Variants in TTBK1 observed in about 807,000 individuals in gnomAD.
TTBK1 encodes the protein tau-tubulin kinase 1.
TTBK1 carries 34 observed loss-of-function variants against 108.5 expected under a neutral mutation model. That is an observed-to-expected ratio of 0.31 (90% confidence interval 0.24 to 0.42). The LOEUF is 0.42. Among genes scored for constraint, TTBK1 ranks in the 10% least tolerant of loss-of-function variants. The probability of loss-of-function intolerance (pLI) is 1.00; values close to 1 mark genes in which losing one functional copy is unlikely to be tolerated. For synonymous variants in TTBK1, 809 were observed against 795.1 expected (o/e 1.02, Z -0.29); for missense variants, 1,539 against 1,826.0 (o/e 0.84, Z 2.86).
chr6:43,251,189 G>A (rs1447687026), intron 2 of TTBK1, among the ~76,000 whole-genome samples: 2 of 152,096 alleles, frequency 1.3e-5, no homozygotes, highest in Admixed American at 1.3e-4. Flanking sequence ...CTCCAGCTCC[G>A]CCTGGTCTTC....
intron 10 of TTBK1, 65 bp from the exon 11 acceptor site, chr6:43,258,973 G>T (rs1777449334): frequency 3.2e-6 from 4 of 1,265,136 alleles, no homozygotes; most frequent in Non-Finnish European, 4.4e-6. Flanking sequence ...GCTGGTAGGA[G>T]AGGGCCATGG....
intron 2 of TTBK1, 108 bp downstream of exon 2, chr6:43,246,876 T>C (rs1777104221): frequency 3.7e-6 from 3 of 812,256 alleles, no homozygotes; most frequent in East Asian, 2.8e-5. Flanking sequence ...AAGAGGGAGG[T>C]GCCTCTAAGC....
Position 43,259,172 on chromosome 6 carries a change from C to T in TTBK1, c.1151C>T (p.Pro384Leu), listed in dbSNP as rs762834993. Reference sequence around the variant, plus strand: ...GGGAGGCCCTCTGAGGGGCTGGGCCCCAGTCCCCACCTTGTCCCCCACCCC... The same window carrying T: ...GGGAGGCCCTCTGAGGGGCTGGGCCTCAGTCCCCACCTTGTCCCCCACCCC... Reference protein sequence around the residue: ...LPGRPSEGLGPSPHLVPHPGG... With the variant: ...LPGRPSEGLGLSPHLVPHPGG... The change falls in exon 11 of 15, where the codon CCC becomes CTC. Residue 384 changes from proline to leucine, a missense_variant. Around this residue, in one of 5 missense-constraint regions of TTBK1, gnomAD observed 277 missense variants for 332.4 expected, o/e 0.83. Transcript: ENST00000259750. The surrounding 1 kb of genome is among the most constrained non-coding windows in gnomAD (Gnocchi z 6.7). 10 of 1,611,986 alleles carry T rather than the reference C, an allele frequency of 6.2e-6. No individual in the cohort carries two copies. The African/African-American group carries it at 6.7e-5, about 11-fold the overall frequency.
At chr6:43,284,429 ACACCTCCTGTCCAG>A (rs1342093609) in intron 14 of TTBK1, 117 bp downstream of exon 14, 2 of 972,188 alleles carry the variant, frequency 2.1e-6, no homozygotes, top group Non-Finnish European at 1.3e-6. Flanking sequence ...ACCCTCAGTG[ACACCTCCTGTCCAG>A]CACCTCCCAA....
At chr6:43,272,190 G>A (rs1050819914) in intron 13 of TTBK1, 6 of 985,274 alleles carry the variant, frequency 6.1e-6, no homozygotes, top group Non-Finnish European at 7.2e-6. Context: ...CAGCAGCAGT[G>A]TGGGCAAGGG....
At position 43,254,557 on chromosome 6, in the gene TTBK1, C is replaced by T. The variant is rs866390871; in HGVS notation, c.482C>T (p.Ala161Val). Residue 161 changes from alanine (A) to valine (V), a missense_variant, in exon 6 of 15, where the codon GCC becomes GTC. Around this residue, in one of 5 missense-constraint regions of TTBK1, gnomAD observed 155 missense variants for 348.5 expected, o/e 0.44. Coordinates refer to ENST00000259750, the MANE Select transcript of TTBK1 (RefSeq NM_032538.3). ...LHRDIKPSNF[A>V]MGRLPSTYRK... ...TGCTGTCTCCCCCAGTCAAACTTTG[C>T]CATGGGCAGGCTGCCCTCCACCTAC... is the stretch of plus-strand genomic sequence containing the variant. 3 of 1,570,818 alleles carry T rather than the reference C, an allele frequency of 1.9e-6. No homozygotes were observed. Among genetic ancestry groups the T allele is most frequent in the Non-Finnish European group, 2.6e-6 (3 of 1,161,800 alleles).
At position 43,243,726 on chromosome 6, in the gene TTBK1, G is replaced by A. The variant is rs1322527328; in HGVS notation, c.-55+18G>A. On this transcript the variant is annotated intron_variant, in intron 1 of 14. Coordinates refer to ENST00000259750, the MANE Select transcript of TTBK1 (RefSeq NM_032538.3). The surrounding 1 kb of genome is among the most constrained non-coding windows in gnomAD (Gnocchi z 5.5). ...CAGAGCAGGTGAGGCGGGGCGGGGC[G>A]GGCCGGGGTCGGGGCGGGGGCTCCT... 1 of 151,048 alleles carries A rather than the reference G, an allele frequency of 6.6e-6. No homozygotes were observed. Among genetic ancestry groups the A allele is most frequent in the East Asian group, 1.9e-4 (1 of 5,152 alleles). 9.4% of individuals were successfully genotyped at this position (151,048 alleles called of 1,614,324 possible).
intron 12 of TTBK1, among the ~76,000 whole-genome samples, chr6:43,260,141 G>A (rs976953325): frequency 1.6e-4 from 25 of 152,186 alleles, no homozygotes; most frequent in Non-Finnish European, 2.5e-4. Flanking sequence ...AAGTTTTGGG[G>A]GTTAGGGCTG....
chr6:43,285,170 C>A lies in TTBK1; in HGVS notation c.3760C>A (p.Leu1254Met), dbSNP rs984881714. 3 of 1,400,438 alleles carry A rather than the reference C, an allele frequency of 2.1e-6. No homozygotes were observed. The highest frequency in any genetic ancestry group is 2.8e-6 in the Non-Finnish European group (3 of 1,085,332). The allele number at this position is 1,400,438 out of a possible 1,614,324, so 86.8% of individuals were successfully genotyped here. The change falls in exon 15 of 15, where the codon CTG (leucine) becomes ATG (methionine). Residue 1254 changes from leucine (L) to methionine (M), a missense_variant. This residue lies in a region of TTBK1 where 1,055 missense variants were observed against 1,086.5 expected (regional missense o/e 0.97). Transcript: ENST00000259750. The surrounding 1 kb of genome is among the most constrained non-coding windows in gnomAD (Gnocchi z 4.7). ...CAGCGCGTCCCCCCGGAGCCAGTCC[C>A]TGTCCCGCAGAGAGAGCCCCTCCCC... ...NASASPRSQS[L>M]SRRESPSPSH...
At chr6:43,284,861 T>C in intron 14 of TTBK1, 122 bp from the exon 15 acceptor site, 1 of 1,369,686 alleles carries the variant, frequency 7.3e-7, no homozygotes, top group South Asian at 1.7e-5. Flanking sequence ...TGTGCCATGG[T>C]CTCAGTCTCA....
chr6:43,279,801 C>T (rs879817523), intron 13 of TTBK1, among the ~76,000 whole-genome samples: 5 of 151,930 alleles, frequency 3.3e-5, no homozygotes, highest in Middle Eastern at 6.3e-3. Context: ...GAGACAGTGT[C>T]GTTCTGTTGC....
Position 43,262,769 on chromosome 6 carries a change from C to T in TTBK1, c.1425-20C>T, listed in dbSNP as rs750112491. ...TCCAGTGGGGCCAGGTATTGAGCCC[C>T]GTGAGGGGTGGCTTTGCAGGTCACG... On this transcript the variant is annotated intron_variant, in intron 12 of 14. Transcript: ENST00000259750. 1.1e-5 allele frequency: 17 copies of T among 1,527,730 alleles called. No homozygotes were observed. The highest frequency in any genetic ancestry group is 4.8e-4 in the Middle Eastern group (2 of 4,140). The allele number at this position is 1,527,730 out of a possible 1,614,324, so 94.6% of individuals were successfully genotyped here. A position where few individuals can be genotyped will look rare whatever the true frequency, so the allele number is the denominator to read the frequency against.
At chr6:43,274,979 A>G (rs1304272062) in intron 13 of TTBK1, among the ~76,000 whole-genome samples, 1 of 151,300 alleles carries the variant, frequency 6.6e-6, no homozygotes, top group African/African-American at 2.4e-5. Flanking sequence ...CAGTCCCACC[A>G]CTCACCCTCC....
chr6:43,278,379 TTTGA>T (rs1482939061), intron 13 of TTBK1, among the ~76,000 whole-genome samples: 1 of 152,030 alleles, frequency 6.6e-6, no homozygotes, highest in Non-Finnish European at 1.5e-5. Flanking sequence ...AGGGTATCAG[TTTGA>T]TTGGCCTGTC....
Position 43,257,125 on chromosome 6 carries a change from G to C in TTBK1, c.862-687G>C, listed in dbSNP as rs1444402357. On this transcript the variant is annotated intron_variant, in intron 9 of 14. Coordinates refer to ENST00000259750, the MANE Select transcript of TTBK1 (RefSeq NM_032538.3). This position sits in a 1 kb window ranked among gnomAD's most constrained non-coding sequence, Gnocchi z 4.5. ...CAGAGAGAAACTGCCCTGTGCTCTGGAGACAGCCAAGCCAGAAGTGGAGTG... is the reference window on the plus strand; with the variant it reads ...CAGAGAGAAACTGCCCTGTGCTCTGCAGACAGCCAAGCCAGAAGTGGAGTG... Among the ~76,000 whole-genome samples, 1 of 152,210 alleles carries C rather than the reference G, an allele frequency of 6.6e-6. No homozygotes were observed. The highest frequency in any genetic ancestry group is 1.9e-4 in the East Asian group (1 of 5,204).
chr6:43,257,767 C>A lies in TTBK1; in HGVS notation c.862-45C>A. 6.3e-7 allele frequency: 1 copy of A among 1,579,090 alleles called. No individual in the cohort carries two copies. The highest frequency in any genetic ancestry group is 1.2e-5 in the South Asian group (1 of 86,292). On this transcript the variant is annotated intron_variant, in intron 9 of 14. Coordinates refer to ENST00000259750, the MANE Select transcript of TTBK1 (RefSeq NM_032538.3). The surrounding 1 kb of genome is among the most constrained non-coding windows in gnomAD (Gnocchi z 4.5). ...CAACTGCCCCTTCCTCCTGGCTAGC[C>A]CCCGGATCACCTCTCTGTCCTCCCA...
At chr6:43,270,278 G>A (rs1432086726) in intron 13 of TTBK1, 44 of 1,123,888 alleles carry the variant, frequency 3.9e-5, no homozygotes, top group Non-Finnish European at 4.8e-5. Flanking sequence ...TGGAAAGAGA[G>A]GTGTCAGGGA....
chr6:43,249,233 C>G (rs537390132), intron 2 of TTBK1, among the ~76,000 whole-genome samples: 2 of 152,174 alleles, frequency 1.3e-5, no homozygotes, highest in East Asian at 3.9e-4. Flanking sequence ...GAAACTCACC[C>G]CAGGTCACCC....
intron 13 of TTBK1, among the ~76,000 whole-genome samples, chr6:43,281,355 G>A (rs1253359657): frequency 6.9e-6 from 1 of 145,866 alleles, no homozygotes; most frequent in South Asian, 2.2e-4. Flanking sequence ...CAGCCTGGGC[G>A]ACAGAGCAGG....
Sources: gnomAD v4.1 joint callset for allele counts (sites outside exome capture counted in the v4.1 genomes callset) on GRCh38, gnomAD v4.1.1 for gene constraint, gnomAD v4.1.1 regional missense constraint, Gnocchi (gnomAD v3.1) non-coding constraint, MANE v1.5 for transcripts, NCBI Gene and HGNC (gene_info 2026-07-23, HGNC 2026-07-21) for gene names.